The following THSD7B variants were observed in gnomAD, a reference collection of about 807,000 sequenced individuals.
The protein encoded by THSD7B is thrombospondin type 1 domain containing 7B.
In THSD7B, 138 loss-of-function variants were observed where a neutral mutation model predicts 213.6. That is an observed-to-expected ratio of 0.65 (90% CI 0.56 to 0.74). THSD7B has a LOEUF of 0.74. Ranked by LOEUF, THSD7B falls within the 30% of genes least tolerant of loss-of-function variation. The probability of loss-of-function intolerance (pLI) is 0.00; values close to 1 mark genes in which losing one functional copy is unlikely to be tolerated. For missense variants in THSD7B, 1,931 were observed against 1,991.5 expected (o/e 0.97, Z 0.58); for synonymous variants, 742 against 687.0 (o/e 1.08, Z -1.25).
intron 5 of THSD7B, among the ~76,000 whole-genome samples, chr2:137,156,613 C>T (rs1679914058): frequency 6.6e-6 from 1 of 152,188 alleles, no homozygotes; most frequent in Non-Finnish European, 1.5e-5. Context: ...AACCTCACAA[C>T]CCCCATAATC....
chr2:137,391,295 C>T (rs2104978796), intron 12 of THSD7B, among the ~76,000 whole-genome samples: 1 of 152,136 alleles, frequency 6.6e-6, no homozygotes, highest in African/African-American at 2.4e-5. Flanking sequence ...TCTGTGGTAT[C>T]AGTTGTTATG....
intron 1 of THSD7B, among the ~76,000 whole-genome samples, chr2:136,816,515 A>T (rs944883603): frequency 2.0e-5 from 3 of 152,192 alleles, no homozygotes; most frequent in African/African-American, 7.2e-5. Context: ...TTTACCCAAT[A>T]TCTCTGTTCT....
At position 137,411,812 on chromosome 2, in the gene THSD7B, G is replaced by C. The variant is rs1179039354; in HGVS notation, c.2899G>C (p.Ala967Pro). The C allele has an allele frequency of 6.2e-7, 1 of 1,613,882 alleles. No homozygotes were observed. Among genetic ancestry groups the C allele is most frequent in the African/African-American group, 1.3e-5 (1 of 74,936 alleles). Residue 967 changes from alanine (A) to proline (P), a missense_variant, in exon 14 of 28, where the codon GCA becomes CCA. Physicochemically the swap from Ala to Pro is conservative, Grantham distance 27. Transcript: ENST00000409968. ...KECGEGLRFR[A>P]VACSDKNGRP... ...ATGTGGAGAAGGCCTGCGCTTTCGA[G>C]CAGTAGCCTGTTCTGATAAAAATGG... is the stretch of plus-strand genomic sequence containing the variant.
At chr2:137,162,501 G>A (rs1680036772) in intron 6 of THSD7B, among the ~76,000 whole-genome samples, 1 of 151,690 alleles carries the variant, frequency 6.6e-6, no homozygotes, top group Admixed American at 6.6e-5. Context: ...CAGAGAATGG[G>A]GAAATGTGAC....
chr2:137,401,425 A>G (rs1686357678), intron 12 of THSD7B, among the ~76,000 whole-genome samples: 2 of 152,198 alleles, frequency 1.3e-5, no homozygotes, highest in Non-Finnish European at 2.9e-5. Flanking sequence ...CAGTAATTAA[A>G]TTAATGTTTA....
At chr2:137,491,014 T>G (rs1380109897) in intron 15 of THSD7B, among the ~76,000 whole-genome samples, 1 of 152,232 alleles carries the variant, frequency 6.6e-6, no homozygotes, top group African/African-American at 2.4e-5. Context: ...TTTTAAAATC[T>G]GAATCTGAGT....
At chr2:136,966,599 C>T (rs1685319020) in intron 2 of THSD7B, among the ~76,000 whole-genome samples, 1 of 152,050 alleles carries the variant, frequency 6.6e-6, no homozygotes, top group South Asian at 2.1e-4. Context: ...AGGTCTTTAT[C>T]TTTGTTTTGT....
At chr2:137,309,642 G>A (rs1018010367) in intron 12 of THSD7B, among the ~76,000 whole-genome samples, 16 of 152,158 alleles carry the variant, frequency 1.1e-4, no homozygotes, top group African/African-American at 3.9e-4. Flanking sequence ...ATCTCCCAAT[G>A]CTATCCCTAC....
intron 2 of THSD7B, among the ~76,000 whole-genome samples, chr2:136,901,618 A>G (rs1201755624): frequency 3.3e-5 from 5 of 152,236 alleles, no homozygotes; most frequent in Non-Finnish European, 7.3e-5. Context: ...TGGGGAAGTG[A>G]CATTAGCTCT....
intron 12 of THSD7B, among the ~76,000 whole-genome samples, chr2:137,316,099 C>T (rs1050630717): frequency 6.6e-6 from 1 of 152,178 alleles, no homozygotes; most frequent in Non-Finnish European, 1.5e-5. Context: ...ATTACTTCAG[C>T]AGGATAGATC....
chr2:137,402,837 T>C (rs1686402938), intron 12 of THSD7B, among the ~76,000 whole-genome samples: 1 of 148,080 alleles, frequency 6.8e-6, no homozygotes, highest in African/African-American at 2.5e-5. Context: ...AAAAAAAAGG[T>C]TTGAATTTCA....
At chr2:137,036,942 C>A (rs1206887982) in intron 2 of THSD7B, among the ~76,000 whole-genome samples, 7 of 152,178 alleles carry the variant, frequency 4.6e-5, no homozygotes, top group Non-Finnish European at 7.3e-5. Flanking sequence ...ACATCACCCC[C>A]CTTCTCTCTT....
At chr2:137,064,673 GA>G (rs1215471659) in intron 3 of THSD7B, among the ~76,000 whole-genome samples, 1 of 151,296 alleles carries the variant, frequency 6.6e-6, no homozygotes, top group Non-Finnish European at 1.5e-5. Flanking sequence ...ATTTTTATTT[GA>G]TTTTTTTGTA....
At chr2:137,334,503 C>G (rs1442960407) in intron 12 of THSD7B, among the ~76,000 whole-genome samples, 1 of 152,112 alleles carries the variant, frequency 6.6e-6, no homozygotes, top group Non-Finnish European at 1.5e-5. Context: ...CTCCCTGACC[C>G]TTCAGCTCAA....
chr2:137,006,597 C>T (rs1379510994), intron 2 of THSD7B, among the ~76,000 whole-genome samples: 1 of 152,122 alleles, frequency 6.6e-6, no homozygotes, highest in Non-Finnish European at 1.5e-5. Context: ...ATTATCAATG[C>T]AGAGAATAAA....
intron 7 of THSD7B, among the ~76,000 whole-genome samples, chr2:137,229,842 G>A (rs12466293): frequency 0.29 from 44,644 of 151,984 alleles, 7,139 homozygotes; most frequent in East Asian, 0.48. Flanking sequence ...CATATGCAAA[G>A]CCTGAATGAT....
chr2:137,087,474 T>C (rs1484796985), intron 3 of THSD7B, among the ~76,000 whole-genome samples: 2 of 152,194 alleles, frequency 1.3e-5, no homozygotes, highest in Non-Finnish European at 2.9e-5. Flanking sequence ...ACAAAATTAA[T>C]GTACATATAT....
intron 15 of THSD7B, among the ~76,000 whole-genome samples, chr2:137,561,201 A>G (rs1681110829): frequency 6.6e-6 from 1 of 152,198 alleles, no homozygotes; most frequent in Non-Finnish European, 1.5e-5. Flanking sequence ...CAACTGGAGC[A>G]TAAAGAATAT....
chr2:137,189,139 C>T (rs1308280839), intron 7 of THSD7B, among the ~76,000 whole-genome samples: 1 of 152,128 alleles, frequency 6.6e-6, no homozygotes, highest in Non-Finnish European at 1.5e-5. Flanking sequence ...CATTTTCCTC[C>T]ACACCACACT....
Sources: allele counts gnomAD v4.1 joint callset (sites outside exome capture counted in the v4.1 genomes callset), GRCh38; gene constraint gnomAD v4.1.1; transcripts MANE v1.5; gene names NCBI Gene and HGNC (gene_info 2026-07-23, HGNC 2026-07-21).